Variants in FSTL4 observed in about 807,000 individuals in gnomAD.
FSTL4 encodes the protein follistatin-related protein 4.
FSTL4 carries 28 observed loss-of-function variants against 78.2 expected under a neutral mutation model. The ratio of observed to expected loss-of-function variants is 0.36; its 90% CI spans 0.27 to 0.49. The LOEUF is 0.49. FSTL4 is among the 20% of genes least tolerant of loss of function. The pLI is 0.98. For synonymous variants in FSTL4, 422 were observed against 440.5 expected (o/e 0.96, Z 0.53); for missense variants, 922 against 1,084.9 (o/e 0.85, Z 2.11).
chr5:133,402,685 G>T (rs1463468873), intron 3 of FSTL4, among the ~76,000 whole-genome samples: 1 of 152,146 alleles, frequency 6.6e-6, no homozygotes, highest in Non-Finnish European at 1.5e-5. Flanking sequence ...TCAGTTATCG[G>T]CAGATTAACT....
At chr5:133,832,722 A>G in the FSTL4 span, among the ~76,000 whole-genome samples, 2 of 152,226 alleles carry the variant, frequency 1.3e-5, no homozygotes, top group African/African-American at 4.8e-5. Flanking sequence ...TGAGCATCAC[A>G]TATTAGTGCC....
chr5:133,501,985 G>T (rs1207341553), intron 3 of FSTL4, among the ~76,000 whole-genome samples: 1 of 152,148 alleles, frequency 6.6e-6, no homozygotes, highest in Non-Finnish European at 1.5e-5. Context: ...GCAGAGATGG[G>T]AATGATGCTG....
intron 3 of FSTL4, among the ~76,000 whole-genome samples, chr5:133,552,501 T>C (rs1759706653): frequency 6.6e-6 from 1 of 152,190 alleles, no homozygotes; most frequent in Non-Finnish European, 1.5e-5. Flanking sequence ...TCCAAGATCA[T>C]CTGTATATTT....
intron 3 of FSTL4, among the ~76,000 whole-genome samples, chr5:133,517,608 T>TTGTGTG (rs34680612): frequency 0.02 from 2,726 of 139,478 alleles, 39 homozygotes; most frequent in Middle Eastern, 0.049. Flanking sequence ...ATAGAACTAA[T>TTGTGTG]TGTGTGTGTG....
At chr5:133,300,675 C>A (rs1420646986) in intron 6 of FSTL4, among the ~76,000 whole-genome samples, 1 of 152,192 alleles carries the variant, frequency 6.6e-6, no homozygotes, top group African/African-American at 2.4e-5. Flanking sequence ...TGATGTTGAA[C>A]CTGCTGCCAA....
chr5:133,368,830 CTT>C (rs2126940988), intron 4 of FSTL4, among the ~76,000 whole-genome samples: 1 of 152,370 alleles, frequency 6.6e-6, no homozygotes, highest in Non-Finnish European at 1.5e-5. Flanking sequence ...TTGGTCCCCT[CTT>C]TGTCCCCCAA....
intron 3 of FSTL4, among the ~76,000 whole-genome samples, chr5:133,482,091 G>A (rs888925793): frequency 6.6e-6 from 1 of 152,218 alleles, no homozygotes; most frequent in Non-Finnish European, 1.5e-5. Context: ...AACAGCTAAT[G>A]CAAACTGATG....
At chr5:133,688,281 A>T in the FSTL4 span, among the ~76,000 whole-genome samples, 1 of 152,118 alleles carries the variant, frequency 6.6e-6, no homozygotes, top group Non-Finnish European at 1.5e-5. Context: ...GGCGTGGTGA[A>T]GTATGCCTGT....
intron 2 of FSTL4, among the ~76,000 whole-genome samples, chr5:133,593,675 G>A (rs429647): frequency 0.066 from 10,096 of 152,210 alleles, 375 homozygotes; most frequent in Non-Finnish European, 0.073. Flanking sequence ...TGGGGAATCC[G>A]GGAGGCAGAT....
At chr5:133,201,442 T>C (rs1750316799) in intron 15 of FSTL4, among the ~76,000 whole-genome samples, 1 of 152,184 alleles carries the variant, frequency 6.6e-6, no homozygotes. Context: ...TGTGGTTAGA[T>C]GGGAATGTGG....
intron 6 of FSTL4, among the ~76,000 whole-genome samples, chr5:133,305,404 C>T (rs183534600): frequency 1.3e-5 from 2 of 152,320 alleles, no homozygotes; most frequent in East Asian, 3.9e-4. Flanking sequence ...CTCAGTCAAG[C>T]CCCTTGTCCC....
chr5:133,384,890 T>C (rs1363469438), intron 4 of FSTL4, among the ~76,000 whole-genome samples: 1 of 152,176 alleles, frequency 6.6e-6, no homozygotes, highest in Non-Finnish European at 1.5e-5. Flanking sequence ...GAAACACCAA[T>C]TGGCTTGTGG....
chr5:133,602,147 T>C (rs1760883671), intron 2 of FSTL4, among the ~76,000 whole-genome samples: 1 of 151,976 alleles, frequency 6.6e-6, no homozygotes, highest in African/African-American at 2.4e-5. Context: ...ATATATATGA[T>C]CAATAGGGCA....
Position 133,589,611 on chromosome 5 carries a change from C to G in FSTL4, c.126+14247G>C, listed in dbSNP as rs1025099785. Among the ~76,000 whole-genome samples, 57 of 152,210 alleles carry G rather than the reference C, an allele frequency of 3.7e-4. 1 individual carries two copies. Among genetic ancestry groups the G allele is most frequent in the African/African-American group, 1.1e-3 (44 of 41,526 alleles). On this transcript the variant is annotated intron_variant, in intron 2 of 15. Transcript: ENST00000265342. ...GAGGAGGGGGAATAGGGGCAGAACT[C>G]ATCTCTCCCCACAGAAGGTCAAGAG... is the stretch of plus-strand genomic sequence containing the variant.
chr5:133,727,492 G>C, the FSTL4 span, among the ~76,000 whole-genome samples: 1 of 152,188 alleles, frequency 6.6e-6, no homozygotes, highest in Non-Finnish European at 1.5e-5. Context: ...CAGTCACCAA[G>C]GGCTGTGGTG....
chr5:133,311,487 T>A (rs1753783536), intron 6 of FSTL4, among the ~76,000 whole-genome samples: 1 of 152,136 alleles, frequency 6.6e-6, no homozygotes, highest in African/African-American at 2.4e-5. Context: ...TAGGGAAGAA[T>A]CATGCTTGCT....
chr5:133,827,392 T>C, the FSTL4 span, among the ~76,000 whole-genome samples: 1 of 152,050 alleles, frequency 6.6e-6, no homozygotes, highest in Non-Finnish European at 1.5e-5. Context: ...GCAGAGAATA[T>C]TGACTAAGGA....
At chr5:133,313,407 G>A (rs1408199677) in intron 5 of FSTL4, among the ~76,000 whole-genome samples, 3 of 152,116 alleles carry the variant, frequency 2.0e-5, no homozygotes, top group Admixed American at 1.3e-4. Flanking sequence ...TACAGACATA[G>A]GCTCTCGTAA....
At chr5:133,542,905 T>C (rs1759506075) in intron 3 of FSTL4, among the ~76,000 whole-genome samples, 1 of 151,948 alleles carries the variant, frequency 6.6e-6, no homozygotes. Context: ...TTGGCTTTGT[T>C]GAACCTTTCT....
Sources: gnomAD v4.1 joint callset for allele counts (sites outside exome capture counted in the v4.1 genomes callset) on GRCh38, gnomAD v4.1.1 for gene constraint, MANE v1.5 for transcripts, NCBI Gene and HGNC (gene_info 2026-07-23, HGNC 2026-07-21) for gene names.